PIAS1: variants seen among roughly 807,000 people sequenced by gnomAD.
PIAS1 encodes protein inhibitor of activated STAT 1.
Under a neutral mutation model 71.3 loss-of-function variants are expected in PIAS1, and 6 were observed. The observed-to-expected ratio is 0.08, with a 90% CI of 0.05 to 0.17. The LOEUF (loss-of-function observed/expected upper bound fraction) is 0.17. Ranked by LOEUF, PIAS1 falls within the 10% of genes least tolerant of loss-of-function variation. PIAS1 has a pLI of 1.00. For missense variants in PIAS1, 555 were observed against 793.6 expected (o/e 0.70, Z 3.61); for synonymous variants, 303 against 292.9 (o/e 1.03, Z -0.35).
intron 7 of PIAS1, among the ~76,000 whole-genome samples, chr15:68,157,064 C>A (rs2092895345): frequency 6.6e-6 from 1 of 152,010 alleles, no homozygotes. Context: ...GTGATGAGTC[C>A]AAGGAGGAGT....
chr15:68,056,036 G>A (rs2091892575), intron 1 of PIAS1: 1 of 614,016 alleles, frequency 1.6e-6, no homozygotes, highest in Non-Finnish European at 3.0e-6. Context: ...ACTGAAATGA[G>A]AAAGCCTTAG....
At chr15:68,169,031 TATC>T (rs999094127) in intron 8 of PIAS1, among the ~76,000 whole-genome samples, 36 of 152,362 alleles carry the variant, frequency 2.4e-4, no homozygotes, top group African/African-American at 7.2e-4. Flanking sequence ...CTTTATTTCT[TATC>T]ATCTTATCTG....
chr15:68,055,664 G>C, intron 1 of PIAS1: 2 of 378,700 alleles, frequency 5.3e-6, no homozygotes, highest in Non-Finnish European at 9.3e-6. Context: ...GTTATGTCTC[G>C]ACCCAGAGAA....
At chr15:68,073,044 C>G (rs879468917) in intron 1 of PIAS1, among the ~76,000 whole-genome samples, 54 of 152,174 alleles carry the variant, frequency 3.5e-4, no homozygotes, top group Non-Finnish European at 6.9e-4. Context: ...GAGATGGAGT[C>G]TTGCTCTGTC....
intron 1 of PIAS1, among the ~76,000 whole-genome samples, chr15:68,057,208 T>A (rs1016236866): frequency 2.0e-5 from 3 of 152,204 alleles, no homozygotes; most frequent in Non-Finnish European, 4.4e-5. Flanking sequence ...AGATTGTGAG[T>A]CATACATATC....
At chr15:68,176,890 C>T (rs879132292) in intron 11 of PIAS1, among the ~76,000 whole-genome samples, 5 of 152,076 alleles carry the variant, frequency 3.3e-5, no homozygotes, top group Non-Finnish European at 4.4e-5. Flanking sequence ...CCGTGGTTCT[C>T]AAACTGTGGT....
At chr15:68,154,263 T>G (rs535504272) in intron 7 of PIAS1, among the ~76,000 whole-genome samples, 1 of 152,322 alleles carries the variant, frequency 6.6e-6, no homozygotes, top group South Asian at 2.1e-4. Context: ...TTTTGATACG[T>G]TGAATTTGAG....
rs914508212 is a variant in PIAS1 at position 68,173,727 on chromosome 15, T to G, written c.1009-5T>G. ...CTAATATTTACTTTTTCTCCCTTTT[T>G]AAAGCTTGGTAAAATGCGGCTGACA... On this transcript the variant is annotated splice_region_variant and splice_polypyrimidine_tract_variant and intron_variant, in intron 8 of 13. Coordinates refer to ENST00000249636, the MANE Select transcript of PIAS1 (RefSeq NM_016166.3). The surrounding 1 kb of genome is among the most constrained non-coding windows in gnomAD (Gnocchi z 4.3). 1 of 1,516,672 alleles carries G rather than the reference T, an allele frequency of 6.6e-7. No homozygotes were observed. The highest frequency in any genetic ancestry group is 8.9e-7 in the Non-Finnish European group (1 of 1,122,672). 94.0% of individuals were successfully genotyped at this position (1,516,672 alleles called of 1,614,324 possible).
rs1271879021 is a variant in PIAS1 at position 68,173,816 on chromosome 15, A to T, written c.1093A>T (p.Met365Leu). 1 of 1,601,716 alleles carries T rather than the reference A, an allele frequency of 6.2e-7. No individual in the cohort carries two copies. Among genetic ancestry groups the T allele is most frequent in the Non-Finnish European group, 8.5e-7 (1 of 1,170,964 alleles). Reference sequence around the variant, plus strand: ...TTTTGACGCAACTCTTTACATTCAGATGAATGAGAAAAAACCAACCTGGGT... The same window carrying T: ...TTTTGACGCAACTCTTTACATTCAGTTGAATGAGAAAAAACCAACCTGGGT... ...QCFDATLYIQ[M>L]NEKKPTWVCP... Residue 365 changes from methionine to leucine, a missense_variant, in exon 9 of 14, where the codon ATG becomes TTG. Transcript: ENST00000249636. The surrounding 1 kb of genome is among the most constrained non-coding windows in gnomAD (Gnocchi z 4.3).
At chr15:68,074,562 A>G (rs998967118) in intron 1 of PIAS1, among the ~76,000 whole-genome samples, 9 of 152,356 alleles carry the variant, frequency 5.9e-5, no homozygotes, top group South Asian at 4.1e-4. Context: ...AAGGAATGGT[A>G]TTAAGAATGA....
chr15:68,083,991 A>T (rs762455980), intron 1 of PIAS1, among the ~76,000 whole-genome samples: 4 of 152,158 alleles, frequency 2.6e-5, no homozygotes, highest in Non-Finnish European at 4.4e-5. Flanking sequence ...AAAAAATGTA[A>T]TTGAGGGCGC....
rs552622255 is a variant in PIAS1, at chr15:68,142,486, A to C, written c.602+149A>C. On this transcript the variant is annotated intron_variant, in intron 4 of 13. Transcript: ENST00000249636. ...TTATCAGGAAGGGGAAATGGAAAAAAAATTTTAAGGAATAAGAGGAAATCT... is the reference window on the plus strand; with the variant it reads ...TTATCAGGAAGGGGAAATGGAAAAACAATTTTAAGGAATAAGAGGAAATCT... 4 of 573,150 alleles carry C rather than the reference A, an allele frequency of 7.0e-6. No individual in the cohort carries two copies. The South Asian group carries it at 1.4e-4, about 19-fold the overall frequency. 35.5% of individuals were successfully genotyped at this position (573,150 alleles called of 1,614,324 possible). A position where few individuals can be genotyped will look rare whatever the true frequency, so the allele number is the denominator to read the frequency against.
intron 1 of PIAS1, among the ~76,000 whole-genome samples, chr15:68,083,885 A>G (rs952575954): frequency 6.6e-6 from 1 of 152,102 alleles, no homozygotes; most frequent in African/African-American, 2.4e-5. Context: ...AAACAAAACT[A>G]AAAAGCTTGG....
intron 2 of PIAS1, among the ~76,000 whole-genome samples, chr15:68,107,050 T>G (rs1446319381): frequency 1.3e-5 from 2 of 152,182 alleles, no homozygotes; most frequent in Non-Finnish European, 2.9e-5. Context: ...AACACTGACC[T>G]AGAGAACCAT....
Position 68,153,643 on chromosome 15 carries a change from T to G in PIAS1, c.882T>G (p.Leu294=). ...AACAGTTGTCCTCAACAGTTCTTCT[T>G]CAGAGGTTACGAGCAAAGGGAATAA... ...LVKQLSSTVL[L]QRLRAKGIRN... is the part of the protein sequence containing the mutation. Residue 294 remains leucine, a synonymous_variant, in exon 7 of 14, where the codon CTT becomes CTG. Transcript: ENST00000249636. 6.3e-7 allele frequency: 1 copy of G among 1,599,448 alleles called. No homozygotes were observed. The highest frequency in any genetic ancestry group is 8.6e-7 in the Non-Finnish European group (1 of 1,166,922).
intron 5 of PIAS1, 130 bp downstream of exon 5, chr15:68,146,036 G>T: frequency 1.6e-6 from 1 of 633,856 alleles, no homozygotes; most frequent in East Asian, 2.8e-5. Flanking sequence ...TCATTGACTG[G>T]GTGAAACACT....
At chr15:68,157,005 A>G (rs2092894811) in intron 7 of PIAS1, among the ~76,000 whole-genome samples, 2 of 152,208 alleles carry the variant, frequency 1.3e-5, no homozygotes, top group Non-Finnish European at 2.9e-5. Context: ...GGTAGATAGA[A>G]GTTGACAGTT....
At chr15:68,159,344 T>C (rs2092910456) in intron 7 of PIAS1, among the ~76,000 whole-genome samples, 1 of 152,164 alleles carries the variant, frequency 6.6e-6, no homozygotes, top group South Asian at 2.1e-4. Flanking sequence ...TTTTCTCTCT[T>C]TCTTTTGAGA....
chr15:68,170,318 T>C (rs553952779), intron 8 of PIAS1, among the ~76,000 whole-genome samples: 5 of 152,362 alleles, frequency 3.3e-5, no homozygotes, highest in African/African-American at 1.2e-4. Flanking sequence ...CTTGGCCTAT[T>C]GCTCCTAGTT....
Sources: allele counts gnomAD v4.1 joint callset (sites outside exome capture counted in the v4.1 genomes callset), GRCh38; gene constraint gnomAD v4.1.1; non-coding constraint Gnocchi (gnomAD v3.1); transcripts MANE v1.5; gene names NCBI Gene and HGNC (gene_info 2026-07-23, HGNC 2026-07-21).